GPHN: variants seen among roughly 807,000 people sequenced by gnomAD.
GPHN encodes the protein gephyrin.
GPHN carries 17 observed loss-of-function variants against 95.5 expected under a neutral mutation model. The ratio of observed to expected loss-of-function variants is 0.18; its 90% CI spans 0.12 to 0.27. The LOEUF (loss-of-function observed/expected upper bound fraction) is 0.27, where lower values mean the gene tolerates loss of function less well. Among genes scored for constraint, GPHN ranks in the 10% least tolerant of loss-of-function variants. The pLI, the probability that GPHN is intolerant of heterozygous loss-of-function variation, is 1.00. For synonymous variants in GPHN, 320 were observed against 322.5 expected, an observed-to-expected ratio of 0.99 and a Z score of 0.08; for missense variants, 660 against 978.1, an observed-to-expected ratio of 0.67 and a Z score of 4.34.
chr14:67,158,893 T>C (rs937064921), intron 18 of GPHN, among the ~76,000 whole-genome samples: 2 of 152,224 alleles, frequency 1.3e-5, no homozygotes, highest in African/African-American at 4.8e-5. Flanking sequence ...CTAAGTAATC[T>C]GTGGGCATAT....
intron 2 of GPHN, among the ~76,000 whole-genome samples, chr14:66,702,333 C>T (rs2068631306): frequency 6.6e-6 from 1 of 152,198 alleles, no homozygotes; most frequent in Non-Finnish European, 1.5e-5. Flanking sequence ...CCCTGTGCCA[C>T]CCAACTGGGT....
intron 4 of GPHN, among the ~76,000 whole-genome samples, chr14:66,863,459 GA>G (rs968644702): frequency 1.5e-4 from 22 of 151,578 alleles, no homozygotes; most frequent in African/African-American, 4.6e-4. Flanking sequence ...CACAGAAAGA[GA>G]AAAAAAATCA....
intron 2 of GPHN, among the ~76,000 whole-genome samples, chr14:66,684,956 G>A (rs1049498647): frequency 3.9e-5 from 6 of 151,986 alleles, no homozygotes; most frequent in Admixed American, 1.3e-4. Flanking sequence ...GTGTCCAAGT[G>A]TTCTCATTGT....
At chr14:66,932,918 T>C (rs1457438736) in intron 8 of GPHN, among the ~76,000 whole-genome samples, 1 of 152,172 alleles carries the variant, frequency 6.6e-6, no homozygotes, top group East Asian at 1.9e-4. Flanking sequence ...TCTAGATGCA[T>C]AGGAGATAAG....
chr14:66,853,407 T>C (rs2062674570), intron 4 of GPHN, among the ~76,000 whole-genome samples: 1 of 152,192 alleles, frequency 6.6e-6, no homozygotes, highest in Non-Finnish European at 1.5e-5. Context: ...TAGTCTGTTG[T>C]CATGCTGCTA....
intron 16 of GPHN, among the ~76,000 whole-genome samples, chr14:67,115,322 A>T (rs1236919815): frequency 6.6e-6 from 1 of 152,184 alleles, no homozygotes; most frequent in African/African-American, 2.4e-5. Context: ...AATAGCAAAA[A>T]AAAAATTACC....
At chr14:66,905,936 A>G (rs1018231672) in intron 5 of GPHN, among the ~76,000 whole-genome samples, 3 of 150,468 alleles carry the variant, frequency 2.0e-5, no homozygotes, top group Non-Finnish European at 4.4e-5. Context: ...ATAGTATTCC[A>G]TGGTGTGTAT....
intron 2 of GPHN, among the ~76,000 whole-genome samples, chr14:66,716,243 C>T (rs1429702839): frequency 2.0e-5 from 3 of 152,106 alleles, no homozygotes; most frequent in Non-Finnish European, 2.9e-5. Context: ...AGGCCTTTTA[C>T]CATTATATAA....
At chr14:67,054,296 A>C (rs1424098754) in intron 10 of GPHN, among the ~76,000 whole-genome samples, 2 of 152,222 alleles carry the variant, frequency 1.3e-5, no homozygotes, top group African/African-American at 4.8e-5. Context: ...AAGCATTCCT[A>C]TACACCAGCA....
chr14:67,496,358 G>A, the GPHN span, among the ~76,000 whole-genome samples: 4 of 138,828 alleles, frequency 2.9e-5, no homozygotes, highest in African/African-American at 5.3e-5. Context: ...CTCCCAAAGT[G>A]CTGGGATTAC....
intron 8 of GPHN, among the ~76,000 whole-genome samples, chr14:66,937,161 G>A (rs1304935214): frequency 1.3e-5 from 2 of 151,920 alleles, no homozygotes; most frequent in Non-Finnish European, 2.9e-5. Context: ...ACAGCACCAT[G>A]CCCAGCTAAT....
intron 3 of GPHN, among the ~76,000 whole-genome samples, 182 bp downstream of exon 3, chr14:66,776,703 T>C (rs1229804324): frequency 6.6e-6 from 1 of 152,102 alleles, no homozygotes; most frequent in African/African-American, 2.4e-5. Flanking sequence ...TATCTGCCAT[T>C]TGCAATGAAT....
chr14:67,277,231 AAGGT>A, the GPHN span, among the ~76,000 whole-genome samples: 231 of 152,330 alleles, frequency 1.5e-3, 1 homozygote, highest in African/African-American at 5.3e-3. Context: ...AATGGTAAAT[AAGGT>A]GCTTACGTGT....
chr14:67,145,800 T>G (rs992198734), intron 18 of GPHN, among the ~76,000 whole-genome samples: 2 of 152,236 alleles, frequency 1.3e-5, no homozygotes, highest in Non-Finnish European at 2.9e-5. Flanking sequence ...AGAAGTATTA[T>G]GTAGCAGGCA....
chr14:67,124,774 C>G (rs1010917670), intron 17 of GPHN, among the ~76,000 whole-genome samples: 6 of 151,394 alleles, frequency 4.0e-5, no homozygotes, highest in African/African-American at 1.5e-4. Context: ...CTAATTTGTT[C>G]TGGACTATAA....
chr14:67,419,510 G>C, the GPHN span, among the ~76,000 whole-genome samples: 1 of 152,170 alleles, frequency 6.6e-6, no homozygotes, highest in Non-Finnish European at 1.5e-5. Context: ...ACTACCAAAG[G>C]CATGCCTCCA....
the GPHN span, among the ~76,000 whole-genome samples, chr14:67,476,863 C>A: frequency 0.076 from 11,606 of 152,162 alleles, 504 homozygotes; most frequent in African/African-American, 0.11. Flanking sequence ...CAGTGGCTCA[C>A]GCCTGTAATC....
At chr14:66,970,313 A>G (rs79932454) in intron 9 of GPHN, among the ~76,000 whole-genome samples, 1,831 of 152,206 alleles carry the variant, frequency 0.012, 19 homozygotes, top group Non-Finnish European at 0.018. Flanking sequence ...TGAGCAAAAG[A>G]ATTTAGATTG....
intron 1 of GPHN, among the ~76,000 whole-genome samples, chr14:66,667,986 C>T (rs902615819): frequency 6.6e-6 from 1 of 152,156 alleles, no homozygotes; most frequent in Non-Finnish European, 1.5e-5. Context: ...GACGTGGATA[C>T]TTCTCAAAAG....
Sources: gnomAD v4.1 joint callset for allele counts (sites outside exome capture counted in the v4.1 genomes callset) on GRCh38, gnomAD v4.1.1 for gene constraint, MANE v1.5 for transcripts, NCBI Gene and HGNC (gene_info 2026-07-23, HGNC 2026-07-21) for gene names.